Variants in SLC39A10 observed in about 807,000 individuals in gnomAD.
SLC39A10 encodes solute carrier family 39 member 10.
In SLC39A10, 13 loss-of-function variants were observed where a neutral mutation model predicts 65.1. The observed-to-expected ratio is 0.20, with a 90% CI of 0.13 to 0.32. The LOEUF (loss-of-function observed/expected upper bound fraction) is 0.32, where lower values mean the gene tolerates loss of function less well. Among genes scored for constraint, SLC39A10 ranks in the 10% least tolerant of loss-of-function variants. The pLI is 1.00. For synonymous variants in SLC39A10, 321 were observed against 342.2 expected (o/e 0.94, Z 0.68); for missense variants, 831 against 1,018.4 (o/e 0.82, Z 2.50).
At chr2:195,653,985 C>T (rs996732315), upstream of SLC39A10, among the ~76,000 whole-genome samples, 2 of 152,164 alleles carry the variant, frequency 1.3e-5, no homozygotes, top group Admixed American at 1.3e-4. Flanking sequence ...GTTGCCCAGG[C>T]TGGAGTGCAA....
Position 195,737,603 on chromosome 2 carries a change from GTTTTTT to G in SLC39A10, c.*2569_*2574del, listed in dbSNP as rs5837477. The G allele has an allele frequency of 6.0e-6, 1 of 167,000 alleles. No individual in the cohort carries two copies. Among genetic ancestry groups the G allele is most frequent in the Non-Finnish European group, 1.3e-5 (1 of 78,478 alleles). 10.3% of individuals were successfully genotyped at this position (167,000 alleles called of 1,614,324 possible). A position where few individuals can be genotyped will look rare whatever the true frequency, so the allele number is the denominator to read the frequency against. On this transcript the variant is annotated 3_prime_UTR_variant, in exon 10 of 10. Transcript: ENST00000359634. Reference sequence around the variant, plus strand: ...AAAAAGCTGGAAAATATCAAATGCTGTTTTTTTTTTTTCATTGTCAACAGTGGTGTG... The same window carrying G: ...AAAAAGCTGGAAAATATCAAATGCTGTTTTTTCATTGTCAACAGTGGTGTG...
intron 7 of SLC39A10, 115 bp from the exon 8 acceptor site, chr2:195,718,137 C>G (rs1161950736): frequency 3.6e-5 from 26 of 732,352 alleles, no homozygotes; most frequent in Non-Finnish European, 5.0e-5. Context: ...AAGTGAGTCA[C>G]TCATATGTTA....
intron 2 of SLC39A10, among the ~76,000 whole-genome samples, chr2:195,613,634 T>G (rs1256192518): frequency 6.6e-6 from 1 of 152,224 alleles, no homozygotes; most frequent in Non-Finnish European, 1.5e-5. Flanking sequence ...AATGCATAGT[T>G]TAATAAAGTG....
Position 195,728,221 on chromosome 2 carries a change from C to T in SLC39A10, c.2209C>T (p.Leu737Phe), listed in dbSNP as rs1288585941. 2 of 1,614,044 alleles carry T rather than the reference C, an allele frequency of 1.2e-6. No individual in the cohort carries two copies. Among genetic ancestry groups the T allele is most frequent in the East Asian group, 2.2e-5 (1 of 44,868 alleles). Residue 737 changes from leucine (L) to phenylalanine (F), a missense_variant, in exon 9 of 10, where the codon CTC (leucine) becomes TTC (phenylalanine). By Grantham distance (22) the Leu-to-Phe change is conservative. Around this residue, in one of 4 missense-constraint regions of SLC39A10, gnomAD observed 120 missense variants for 203.9 expected, o/e 0.59. Coordinates refer to ENST00000359634, the MANE Select transcript of SLC39A10 (RefSeq NM_020342.3). This position sits in a 1 kb window ranked among gnomAD's most constrained non-coding sequence, Gnocchi z 4.4. The stretch of plus-strand genomic sequence containing the variant: ...AAAGCAAGCAATTGTATACAACCTC[C>T]TCTCTGCCATGATGGCTTACATAGG... ...TVKQAIVYNLLSAMMAYIGML... is the reference protein window; with the variant it reads ...TVKQAIVYNLFSAMMAYIGML...
intron 1 of SLC39A10, among the ~76,000 whole-genome samples, chr2:195,663,560 A>C (rs945685613): frequency 1.3e-5 from 2 of 152,128 alleles, no homozygotes; most frequent in Non-Finnish European, 2.9e-5. Context: ...GTATATATAC[A>C]TTATAAGGCA....
Position 195,734,946 on chromosome 2 carries a change from T to A in SLC39A10, c.2401T>A (p.Phe801Ile), listed in dbSNP as rs1692543486. ...ACATGGCTTTTGTCCTGTGGGGCAA[T>A]TCATCCTTCAGAATTTAGGATTGCT... Reference protein sequence around the residue: ...EEHGFCPVGQFILQNLGLLFG... With the variant: ...EEHGFCPVGQIILQNLGLLFG... The change falls in exon 10 of 10, where the codon TTC becomes ATC. Residue 801 changes from phenylalanine to isoleucine, a missense_variant. Coordinates refer to ENST00000359634, the MANE Select transcript of SLC39A10 (RefSeq NM_020342.3). 2 of 1,612,820 alleles carry A rather than the reference T, an allele frequency of 1.2e-6. No individual in the cohort carries two copies. Among genetic ancestry groups the A allele is most frequent in the Non-Finnish European group, 1.7e-6 (2 of 1,179,552 alleles).
intron 3 of SLC39A10, among the ~76,000 whole-genome samples, chr2:195,704,890 C>G (rs1691340882): frequency 6.6e-6 from 1 of 152,064 alleles, no homozygotes; most frequent in Non-Finnish European, 1.5e-5. Flanking sequence ...CTCCGCTGCC[C>G]AAGCTCAAGC....
chr2:195,613,108 T>C (rs1412406775), intron 2 of SLC39A10, among the ~76,000 whole-genome samples: 1 of 152,176 alleles, frequency 6.6e-6, no homozygotes, highest in Non-Finnish European at 1.5e-5. Context: ...AATTGATTTG[T>C]TGTATAAATC....
Position 195,728,406 on chromosome 2 carries a change from G to C in SLC39A10, c.2337+57G>C. 6.8e-7 allele frequency: 1 copy of C among 1,471,432 alleles called. No individual in the cohort carries two copies. The highest frequency in any genetic ancestry group is 9.2e-7 in the Non-Finnish European group (1 of 1,082,300). 91.1% of individuals were successfully genotyped at this position (1,471,432 alleles called of 1,614,324 possible). A position where few individuals can be genotyped will look rare whatever the true frequency, so the allele number is the denominator to read the frequency against. On this transcript the variant is annotated intron_variant, in intron 9 of 9. Coordinates refer to ENST00000359634, the MANE Select transcript of SLC39A10 (RefSeq NM_020342.3). The surrounding 1 kb of genome is among the most constrained non-coding windows in gnomAD (Gnocchi z 4.4). ...AACCTGCAAATGAAAGAAATCCTTG[G>C]AAGTGGTTTGAAGCCAAACTATTTT... is the stretch of plus-strand genomic sequence containing the variant.
chr2:195,711,168 G>A (rs1691590668), intron 5 of SLC39A10, among the ~76,000 whole-genome samples: 1 of 152,180 alleles, frequency 6.6e-6, no homozygotes, highest in Admixed American at 6.5e-5. Flanking sequence ...CATCTCTAAT[G>A]TGACAATCTA....
chr2:195,718,460 G>C, intron 8 of SLC39A10, 128 bp downstream of exon 8: 2 of 563,066 alleles, frequency 3.6e-6, no homozygotes, highest in Non-Finnish European at 6.4e-6. Flanking sequence ...GTCACTAATT[G>C]TAAGATACTT....
chr2:195,681,980 C>G (rs568243346), intron 2 of SLC39A10, among the ~76,000 whole-genome samples: 140 of 152,166 alleles, frequency 9.2e-4, no homozygotes, highest in African/African-American at 3.3e-3. Context: ...GTTTTTGTCT[C>G]AGGCCTTTCA....
intron 3 of SLC39A10, among the ~76,000 whole-genome samples, chr2:195,693,576 G>C (rs1690828233): frequency 6.6e-6 from 1 of 151,996 alleles, no homozygotes; most frequent in African/African-American, 2.4e-5. Context: ...AGGTTTTCTG[G>C]TTTATGTGTG....
intron 5 of SLC39A10, among the ~76,000 whole-genome samples, chr2:195,709,980 A>C (rs1027871231): frequency 1.3e-5 from 2 of 152,140 alleles, no homozygotes; most frequent in African/African-American, 4.8e-5. Context: ...AGTCAGATTA[A>C]GGGGGCTTTG....
At chr2:195,655,889 CCTT>C (rs943547913), upstream of SLC39A10, among the ~76,000 whole-genome samples, 74 of 152,246 alleles carry the variant, frequency 4.9e-4, no homozygotes, top group African/African-American at 1.5e-3. Flanking sequence ...CAAAAAATAA[CCTT>C]CTTTCATGAA....
intron 6 of SLC39A10, among the ~76,000 whole-genome samples, chr2:195,714,486 C>T (rs1022647554): frequency 2.0e-5 from 3 of 152,024 alleles, no homozygotes; most frequent in Admixed American, 6.6e-5. Context: ...TAAGATGCAT[C>T]TTGTTTATAA....
In SLC39A10 at chr2:195,716,869, G is replaced by A; in HGVS notation, c.1929G>A (p.Trp643Ter). 1 of 1,614,132 alleles carries A rather than the reference G, an allele frequency of 6.2e-7. No homozygotes were observed. The highest frequency in any genetic ancestry group is 8.5e-7 in the Non-Finnish European group (1 of 1,180,020). ...KTVLRKHNHQ[W>*]HHKHSHHSHG... ...TGCTGAGGAAGCATAATCACCAGTG[G>A]CACCACAAGCATTCTCATCATTCCC... is the stretch of plus-strand genomic sequence containing the variant. The change falls in exon 7 of 10, where the codon TGG becomes TGA. Residue 643 changes from tryptophan to a stop codon, truncating the protein, a stop_gained. Coordinates refer to ENST00000359634, the MANE Select transcript of SLC39A10 (RefSeq NM_020342.3). LOFTEE classifies it high-confidence loss of function.
chr2:195,619,114 A>AAGAG (rs1553490932), intron 2 of SLC39A10, among the ~76,000 whole-genome samples: 1,818 of 131,408 alleles, frequency 0.014, 84 homozygotes, highest in African/African-American at 0.05. Context: ...AAAAAAAAAA[A>AAGAG]AGAGAGAGAG....
In SLC39A10 at chr2:195,680,852, T is replaced by G; in HGVS notation, c.810T>G (p.Asp270Glu). ...QYEHNRVHKP[D>E]RVHNPGHSHV... ...AGCATAATCGGGTCCACAAACCTGA[T>G]CGTGTACATAACCCAGGTCATTCTC... is the stretch of plus-strand genomic sequence containing the variant. The change falls in exon 2 of 10, where the codon GAT becomes GAG. Residue 270 changes from aspartate (D) to glutamate (E), a missense_variant. Asp to Glu is a conservative substitution (Grantham distance 45). Transcript: ENST00000359634. 1 of 1,614,172 alleles carries G rather than the reference T, an allele frequency of 6.2e-7. No individual in the cohort carries two copies.
Sources: allele counts gnomAD v4.1 joint callset (sites outside exome capture counted in the v4.1 genomes callset), GRCh38; gene constraint gnomAD v4.1.1; regional missense constraint gnomAD v4.1.1; non-coding constraint Gnocchi (gnomAD v3.1); transcripts MANE v1.5; gene names NCBI Gene and HGNC (gene_info 2026-07-23, HGNC 2026-07-21).